Variants in SPP2 observed in about 807,000 individuals in gnomAD.
The protein encoded by SPP2 is secreted phosphoprotein 24.
A neutral mutation model predicts 28.8 loss-of-function variants in SPP2; 34 were observed. The observed-to-expected ratio is 1.18, with a 90% CI of 0.90 to 1.57. The LOEUF (loss-of-function observed/expected upper bound fraction) is 1.57. Ranked by LOEUF, SPP2 falls within the 40% of genes most tolerant of loss-of-function variation. The probability of loss-of-function intolerance (pLI) is 0.00; values close to 1 mark genes in which losing one functional copy is unlikely to be tolerated. For synonymous variants in SPP2, 96 were observed against 89.4 expected (o/e 1.07, Z -0.42); for missense variants, 269 against 263.9 (o/e 1.02, Z -0.13).
intron 6 of SPP2, among the ~76,000 whole-genome samples, chr2:234,069,555 C>T (rs753433796): frequency 5.9e-5 from 9 of 152,144 alleles, no homozygotes; most frequent in Non-Finnish European, 1.3e-4. Flanking sequence ...GTCTTGGAGA[C>T]TGCTTTGAAC....
intron 4 of SPP2, among the ~76,000 whole-genome samples, chr2:234,063,603 T>C (rs893650217): frequency 3.3e-5 from 5 of 152,246 alleles, no homozygotes; most frequent in African/African-American, 9.6e-5. Context: ...TATTTCTTTT[T>C]CAATCCCGAA....
intron 7 of SPP2, among the ~76,000 whole-genome samples, chr2:234,070,445 T>A (rs952067673): frequency 6.6e-6 from 1 of 152,198 alleles, no homozygotes; most frequent in Non-Finnish European, 1.5e-5. Context: ...TTTCTGGATG[T>A]GTACTTTATT....
chr2:234,056,715 A>AT (rs1484417563), intron 2 of SPP2, among the ~76,000 whole-genome samples: 1 of 152,060 alleles, frequency 6.6e-6, no homozygotes, highest in African/African-American at 2.4e-5. Context: ...TTATTTTTTA[A>AT]TTTTTTAATG....
chr2:234,062,318 C>A (rs897236077), intron 4 of SPP2, among the ~76,000 whole-genome samples: 1 of 152,054 alleles, frequency 6.6e-6, no homozygotes, highest in East Asian at 1.9e-4. Flanking sequence ...ACAAACAGGG[C>A]AGAGTGTGGA....
Position 234,066,537 on chromosome 2 carries a change from T to C in SPP2, c.449T>C (p.Ile150Thr), listed in dbSNP as rs1215833498. Reference sequence around the variant, plus strand: ...CTGATGCCTGAATTTCTTTAGATGATTTTTGGGGACATGTTGGGATCTCAT... The same window carrying C: ...CTGATGCCTGAATTTCTTTAGATGACTTTTGGGGACATGTTGGGATCTCAT... ...TSESYSSEEM[I>T]FGDMLGSHKW... The change falls in exon 5 of 8, where the codon ATT (isoleucine) becomes ACT (threonine). Residue 150 changes from isoleucine to threonine, a missense_variant. Coordinates refer to ENST00000168148, the MANE Select transcript of SPP2 (RefSeq NM_006944.3). The C allele has an allele frequency of 6.2e-7, 1 of 1,612,010 alleles. No homozygotes were observed.
At chr2:234,056,049 G>T (rs984583705) in intron 2 of SPP2, 1 of 151,870 alleles carries the variant, frequency 6.6e-6, no homozygotes, top group Non-Finnish European at 1.5e-5. Context: ...ATCCCTCCCC[G>T]CTTCCCAGTT....
chr2:234,057,391 T>C (rs28903995), intron 2 of SPP2, among the ~76,000 whole-genome samples: 10,027 of 152,268 alleles, frequency 0.066, 571 homozygotes, highest in African/African-American at 0.15. Context: ...CTCTGCTTTC[T>C]ATTCACAGGA....
intron 2 of SPP2, 129 bp downstream of exon 2, chr2:234,051,224 C>A: frequency 8.0e-7 from 1 of 1,250,644 alleles, no homozygotes; most frequent in Non-Finnish European, 1.1e-6. Flanking sequence ...CTCTTTCATA[C>A]TGTCTCTTTT....
At chr2:234,053,802 A>G (rs569775801) in intron 2 of SPP2, among the ~76,000 whole-genome samples, 1 of 152,018 alleles carries the variant, frequency 6.6e-6, no homozygotes, top group East Asian at 1.9e-4. Context: ...CAGAGAAAGG[A>G]AAGGTGGGCA....
At chr2:234,057,499 C>A (rs899536048) in intron 2 of SPP2, among the ~76,000 whole-genome samples, 1 of 152,184 alleles carries the variant, frequency 6.6e-6, no homozygotes, top group East Asian at 1.9e-4. Flanking sequence ...CTTCCCTCAC[C>A]CCCATTGCCA....
chr2:234,057,865 A>G (rs1174017751), intron 2 of SPP2, among the ~76,000 whole-genome samples: 2 of 152,258 alleles, frequency 1.3e-5, no homozygotes, highest in Non-Finnish European at 2.9e-5. Context: ...TTATTAAAAA[A>G]TTATGGAGCA....
chr2:234,059,683 G>A (rs1693679804), intron 3 of SPP2, among the ~76,000 whole-genome samples: 1 of 152,170 alleles, frequency 6.6e-6, no homozygotes, highest in Admixed American at 6.5e-5. Context: ...TTTGACCCAA[G>A]GCCAGGATTT....
rs759994158 is a variant in SPP2 at position 234,069,635 on chromosome 2, A to AT, written c.551-292dup. 1.3e-3 allele frequency among the ~76,000 whole-genome samples: 191 copies of AT among 152,180 alleles called. 3 individuals carry two copies. The highest frequency in any genetic ancestry group is 3.5e-4 in the Non-Finnish European group (24 of 68,030). On this transcript the variant is annotated intron_variant, in intron 6 of 7. Coordinates refer to ENST00000168148, the MANE Select transcript of SPP2 (RefSeq NM_006944.3). ...GGTAGATCCCTTGGAGGACTGAAAG[A>AT]TAAATGTGGCAGTTCCTGCCCTCCA...
At chr2:234,071,608 A>G (rs781757883) in intron 7 of SPP2, among the ~76,000 whole-genome samples, 5 of 152,206 alleles carry the variant, frequency 3.3e-5, no homozygotes, top group African/African-American at 7.2e-5. Context: ...ACAAGTTAAT[A>G]ATGAAGTTGG....
intron 3 of SPP2, among the ~76,000 whole-genome samples, chr2:234,060,160 A>G (rs915951730): frequency 3.3e-5 from 5 of 152,200 alleles, no homozygotes; most frequent in African/African-American, 1.2e-4. Context: ...GAGACTTGTA[A>G]TGGGTCAAAC....
intron 7 of SPP2, among the ~76,000 whole-genome samples, chr2:234,075,146 G>T (rs1690871613): frequency 6.6e-6 from 1 of 152,108 alleles, no homozygotes; most frequent in Admixed American, 6.5e-5. Flanking sequence ...CCAAGTTTTT[G>T]CTGCTCCGTG....
chr2:234,062,444 G>A (rs913436695), intron 4 of SPP2, among the ~76,000 whole-genome samples: 4 of 152,142 alleles, frequency 2.6e-5, no homozygotes, highest in Non-Finnish European at 4.4e-5. Context: ...AAAAACATGG[G>A]GAGAGAGGCA....
At chr2:234,056,180 C>T (rs1405845153) in intron 2 of SPP2, 1 of 151,902 alleles carries the variant, frequency 6.6e-6, no homozygotes, top group Non-Finnish European at 1.5e-5. Flanking sequence ...TGACAAAGGG[C>T]TAATATCCAG....
intron 5 of SPP2, 94 bp from the exon 6 acceptor site, chr2:234,067,130 C>G: frequency 8.4e-7 from 1 of 1,183,510 alleles, no homozygotes; most frequent in South Asian, 1.2e-5. Flanking sequence ...TGCTTCTTTG[C>G]TTAAGAAGCA....
Sources: allele counts gnomAD v4.1 joint callset (sites outside exome capture counted in the v4.1 genomes callset), GRCh38; gene constraint gnomAD v4.1.1; transcripts MANE v1.5; gene names NCBI Gene and HGNC (gene_info 2026-07-23, HGNC 2026-07-21).